DISP1: variants seen among roughly 807,000 people sequenced by gnomAD.
DISP1 encodes the protein dispatched RND transporter family member 1, also known as protein dispatched homolog 1.
A neutral mutation model predicts 37.3 loss-of-function variants in DISP1; 30 were observed. That is an observed-to-expected ratio of 0.80 (90% CI 0.60 to 1.09). DISP1 has a LOEUF of 1.09. Ranked by LOEUF, DISP1 falls within the 50% of genes least tolerant of loss-of-function variation. DISP1 has a pLI of 0.00. For missense variants in DISP1, 1,598 were observed against 1,879.5 expected (o/e 0.85, Z 2.77); for synonymous variants, 634 against 690.2 (o/e 0.92, Z 1.28).
intron 1 of DISP1, among the ~76,000 whole-genome samples, chr1:222,833,018 T>C (rs140636181): frequency 1.2e-4 from 18 of 152,202 alleles, no homozygotes; most frequent in African/African-American, 4.3e-4. Flanking sequence ...CAAATAATCT[T>C]GTACCCATCT....
At chr1:222,913,308 A>C (rs1255815453) in intron 1 of DISP1, among the ~76,000 whole-genome samples, 3 of 152,186 alleles carry the variant, frequency 2.0e-5, no homozygotes, top group Non-Finnish European at 4.4e-5. Flanking sequence ...TTATTTTTAT[A>C]GATGAGACCA....
chr1:222,977,531 A>AT (rs1677456770), intron 3 of DISP1, among the ~76,000 whole-genome samples: 1 of 47,086 alleles, frequency 2.1e-5, no homozygotes, highest in African/African-American at 7.0e-5. Context: ...TTTTTTTTAA[A>AT]TTCTTTTTTT....
intron 7 of DISP1, among the ~76,000 whole-genome samples, chr1:222,994,404 G>A (rs1201895101): frequency 6.6e-6 from 1 of 152,170 alleles, no homozygotes; most frequent in South Asian, 2.1e-4. Flanking sequence ...AATGTGGCCA[G>A]CATTCTGTAC....
intron 3 of DISP1, among the ~76,000 whole-genome samples, chr1:222,952,247 G>C (rs1298841613): frequency 6.6e-6 from 1 of 152,110 alleles, no homozygotes; most frequent in Non-Finnish European, 1.5e-5. Context: ...TGGTTACACT[G>C]CTCACAATTT....
chr1:222,856,743 C>T (rs1199501809), intron 1 of DISP1, among the ~76,000 whole-genome samples: 1 of 138,626 alleles, frequency 7.2e-6, no homozygotes. Flanking sequence ...CTCACTCTGT[C>T]ACTCAGGCTG....
intron 1 of DISP1, among the ~76,000 whole-genome samples, chr1:222,885,869 T>TACAC (rs759925144): frequency 6.7e-6 from 1 of 149,120 alleles, no homozygotes; most frequent in Non-Finnish European, 1.5e-5. Context: ...ATCATGGGGA[T>TACAC]ACACACACAC....
At chr1:222,989,657 A>T in intron 4 of DISP1, 1 of 716,506 alleles carries the variant, frequency 1.4e-6, no homozygotes, top group South Asian at 6.3e-5. Flanking sequence ...CAAGCATCAG[A>T]TGTTTGTTCA....
At chr1:222,995,530 G>C (rs528170579) in intron 8 of DISP1, among the ~76,000 whole-genome samples, 120 of 152,300 alleles carry the variant, frequency 7.9e-4, no homozygotes, top group Non-Finnish European at 1.2e-3. Flanking sequence ...TGCCCTGAAT[G>C]CTAAACACCT....
chr1:222,867,382 T>C (rs1207165221), intron 1 of DISP1, among the ~76,000 whole-genome samples: 1 of 152,224 alleles, frequency 6.6e-6, no homozygotes, highest in African/African-American at 2.4e-5. Flanking sequence ...TCTTTGTCTG[T>C]ACATAGGTAA....
In DISP1 at chr1:223,004,371, G is replaced by A. The variant is rs1287769213; in HGVS notation, c.2974G>A (p.Val992Ile). 1 of 1,614,220 alleles carries A rather than the reference G, an allele frequency of 6.2e-7. No individual in the cohort carries two copies. The highest frequency in any genetic ancestry group is 8.5e-7 in the Non-Finnish European group (1 of 1,180,038). ...DGTLIAMGLS[V>I]AVAFSVMLLT... ...CACCCTCATTGCCATGGGGCTGTCA[G>A]TTGCTGTTGCATTTAGCGTGATGCT... The change falls in exon 9 of 9, where the codon GTT (valine) becomes ATT (isoleucine). Residue 992 changes from valine to isoleucine, a missense_variant. Physicochemically the swap from Val to Ile is conservative, Grantham distance 29 (BLOSUM62 3). Coordinates refer to ENST00000675850, the MANE Select transcript of DISP1 (RefSeq NM_001377229.1). This position sits in a 1 kb window ranked among gnomAD's most constrained non-coding sequence, Gnocchi z 4.9.
Position 222,831,780 on chromosome 1 carries a change from C to A in DISP1, c.-159+16702C>A, listed in dbSNP as rs111591061. 4.4e-3 allele frequency among the ~76,000 whole-genome samples: 669 copies of A among 152,004 alleles called. 5 individuals carry two copies. Among genetic ancestry groups the A allele is most frequent in the African/African-American group, 0.015 (630 of 41,436 alleles). On this transcript the variant is annotated intron_variant, in intron 1 of 8. Transcript: ENST00000675850. ...GAAGTTGCAGCATGTGTTTGAGGGA[C>A]CAGTTTGGTTATAATATATGGGATA...
intron 4 of DISP1, among the ~76,000 whole-genome samples, chr1:222,984,435 T>TATATAGAGAGAGAGAG (rs67660273): frequency 1.8e-5 from 2 of 108,396 alleles, no homozygotes; most frequent in South Asian, 3.2e-4. Flanking sequence ...TATATATATA[T>TATATAGAGAGAGAGAG]AGAGAGAGAG....
intron 1 of DISP1, among the ~76,000 whole-genome samples, chr1:222,927,664 A>C (rs1297780226): frequency 6.6e-6 from 1 of 152,204 alleles, no homozygotes; most frequent in Non-Finnish European, 1.5e-5. Context: ...TACCAAAGTC[A>C]TGAAGAGTTA....
At chr1:222,847,966 C>CT (rs1040539909) in intron 1 of DISP1, among the ~76,000 whole-genome samples, 12 of 150,442 alleles carry the variant, frequency 8.0e-5, no homozygotes, top group East Asian at 3.9e-4. Flanking sequence ...CTTTTTATGC[C>CT]TTTTTTTTTC....
intron 3 of DISP1, among the ~76,000 whole-genome samples, chr1:222,960,987 CA>C (rs954864249): frequency 1.1e-4 from 16 of 149,982 alleles, no homozygotes; most frequent in East Asian, 7.8e-4. Flanking sequence ...GTCTGCCAAC[CA>C]AAAAAAAAGC....
At chr1:222,966,929 G>A (rs2102621031) in intron 3 of DISP1, among the ~76,000 whole-genome samples, 1 of 152,168 alleles carries the variant, frequency 6.6e-6, no homozygotes, top group Admixed American at 6.5e-5. Context: ...TGGAAGGCAG[G>A]GACAATACTC....
At chr1:222,827,009 C>T (rs1046839658) in intron 1 of DISP1, among the ~76,000 whole-genome samples, 4 of 152,122 alleles carry the variant, frequency 2.6e-5, no homozygotes, top group Non-Finnish European at 4.4e-5. Context: ...CATTTCTATT[C>T]TAATAAAACT....
At chr1:222,922,225 G>T (rs934435444) in intron 1 of DISP1, among the ~76,000 whole-genome samples, 1 of 152,098 alleles carries the variant, frequency 6.6e-6, no homozygotes, top group East Asian at 1.9e-4. Flanking sequence ...TTAAACTAGT[G>T]GGGGAGCCAT....
chr1:223,005,653 A>T lies in DISP1; in HGVS notation c.4256A>T (p.Asn1419Ile). ...AATAAACAAAGGGAACTCTGTAAAA[A>T]TAGAGACGTGAGCAATCTGGAGAGC... Reference protein sequence around the residue: ...PENKQRELCKNRDVSNLESSG... With the variant: ...PENKQRELCKIRDVSNLESSG... The change falls in exon 9 of 9, where the codon AAT (asparagine) becomes ATT (isoleucine). Residue 1419 changes from asparagine (N) to isoleucine (I), a missense_variant. Asn to Ile is a moderately radical substitution (Grantham distance 149, BLOSUM62 -3). Coordinates refer to ENST00000675850, the MANE Select transcript of DISP1 (RefSeq NM_001377229.1). The T allele has an allele frequency of 6.2e-7, 1 of 1,614,180 alleles. No individual in the cohort carries two copies. Among genetic ancestry groups the T allele is most frequent in the Non-Finnish European group, 8.5e-7 (1 of 1,180,036 alleles).
Sources: allele counts gnomAD v4.1 joint callset (sites outside exome capture counted in the v4.1 genomes callset), GRCh38; gene constraint gnomAD v4.1.1; non-coding constraint Gnocchi (gnomAD v3.1); transcripts MANE v1.5; gene names NCBI Gene and HGNC (gene_info 2026-07-23, HGNC 2026-07-21).